USP15: variants seen among roughly 807,000 people sequenced by gnomAD.
The protein encoded by USP15 is ubiquitin carboxyl-terminal hydrolase 15.
Under a neutral mutation model 127.1 loss-of-function variants are expected in USP15, and 18 were observed. The ratio of observed to expected loss-of-function variants is 0.14; its 90% CI spans 0.10 to 0.21. The LOEUF (loss-of-function observed/expected upper bound fraction) is 0.21. Among genes scored for constraint, USP15 ranks in the 10% least tolerant of loss-of-function variants. The pLI is 1.00. For synonymous variants in USP15, 364 were observed against 393.7 expected (o/e 0.92, Z 0.89); for missense variants, 805 against 1,159.9 (o/e 0.69, Z 4.44).
rs551507629 is a variant in USP15 at position 62,412,197 on chromosome 12, G to A, written c.*7822G>A. The A allele has an allele frequency of 2.0e-5, 3 of 152,276 alleles. No individual in the cohort carries two copies. Among genetic ancestry groups the A allele is most frequent in the East Asian group, 1.9e-4 (1 of 5,182 alleles). 9.4% of individuals were successfully genotyped at this position (152,276 alleles called of 1,614,324 possible). ...CAATAACATTGTGCCTAAAAAAGATGTACATGCCTTAATTTTCAAACTATT... is the reference window on the plus strand; with the variant it reads ...CAATAACATTGTGCCTAAAAAAGATATACATGCCTTAATTTTCAAACTATT... On this transcript the variant is annotated 3_prime_UTR_variant, in exon 22 of 22. Coordinates refer to ENST00000280377, the MANE Select transcript of USP15 (RefSeq NM_001252078.2).
intron 11 of USP15, 35 bp downstream of exon 11, chr12:62,384,337 T>G (rs1178046580): frequency 4.8e-6 from 7 of 1,455,862 alleles, no homozygotes; most frequent in Non-Finnish European, 6.4e-6. Context: ...GTTTTTTTTT[T>G]TTTTTTTTTG....
chr12:62,270,136 G>C (rs1480150984), intron 1 of USP15, among the ~76,000 whole-genome samples: 3 of 151,892 alleles, frequency 2.0e-5, no homozygotes, highest in Non-Finnish European at 2.9e-5. Flanking sequence ...ATGATGTTGA[G>C]TATCTTTTCA....
intron 6 of USP15, 110 bp from the exon 7 acceptor site, chr12:62,349,111 A>G (rs534308942): frequency 4.1e-5 from 24 of 583,876 alleles, no homozygotes; most frequent in Middle Eastern, 5.0e-4. Flanking sequence ...TCATAAATCT[A>G]TTTTTCAGCA....
intron 14 of USP15, among the ~76,000 whole-genome samples, chr12:62,390,590 A>G (rs1286793238): frequency 6.6e-6 from 1 of 152,150 alleles, no homozygotes; most frequent in African/African-American, 2.4e-5. Context: ...GCAACAATAT[A>G]TACCATCTAA....
intron 1 of USP15, among the ~76,000 whole-genome samples, chr12:62,275,385 A>T (rs762316939): frequency 6.6e-6 from 1 of 151,142 alleles, no homozygotes; most frequent in Non-Finnish European, 1.5e-5. Context: ...AATTGGGAGG[A>T]GTATCACCCC....
intron 1 of USP15, among the ~76,000 whole-genome samples, chr12:62,263,851 A>G (rs1041798344): frequency 1.3e-5 from 2 of 152,206 alleles, no homozygotes; most frequent in African/African-American, 4.8e-5. Flanking sequence ...ATTAAAAACA[A>G]TTTTCAGATA....
At chr12:62,261,474 T>C (rs1383854094) in intron 1 of USP15, among the ~76,000 whole-genome samples, 1 of 152,228 alleles carries the variant, frequency 6.6e-6, no homozygotes, top group Admixed American at 6.5e-5. Flanking sequence ...AACAGTAGTA[T>C]ATAATTCATA....
At chr12:62,384,028 G>C in intron 10 of USP15, 30 bp downstream of exon 10, 1 of 1,610,202 alleles carries the variant, frequency 6.2e-7, no homozygotes, top group Non-Finnish European at 8.5e-7. Context: ...TGTCACCATT[G>C]TTATAATTTT....
At position 62,335,456 on chromosome 12, in the gene USP15, TA is replaced by T. The variant is rs1326271710; in HGVS notation, c.683+9524del. 7.5e-6 allele frequency: 10 copies of T among 1,331,148 alleles called. No homozygotes were observed. The African/African-American group carries it at 1.0e-4, about 14-fold the overall frequency. The allele number at this position is 1,331,148 out of a possible 1,614,324, so 82.5% of individuals were successfully genotyped here. A position where few individuals can be genotyped will look rare whatever the true frequency, so the allele number is the denominator to read the frequency against. On this transcript the variant is annotated intron_variant, in intron 6 of 21. Coordinates refer to ENST00000280377, the MANE Select transcript of USP15 (RefSeq NM_001252078.2). ...TCCATCCTTAGCTCTCTGATCACCT[TA>T]CTATTTAAGGACAGTCCCTCTACTC...
At chr12:62,348,464 G>T (rs2065881314) in intron 6 of USP15, among the ~76,000 whole-genome samples, 1 of 152,118 alleles carries the variant, frequency 6.6e-6, no homozygotes, top group Admixed American at 6.6e-5. Context: ...CTGGACTGAA[G>T]CCTAGCTTTT....
rs367956342 is a variant in USP15 at position 62,350,968 on chromosome 12, T to G, written c.770+1661T>G. On this transcript the variant is annotated intron_variant, in intron 7 of 21. Transcript: ENST00000280377. ...TTTCACATTCACTACTGATTAGAGA[T>G]ATGTAAATTAAAACCATGAAAAACC... is the stretch of plus-strand genomic sequence containing the variant. Among the ~76,000 whole-genome samples, 10 of 152,184 alleles carry G rather than the reference T, an allele frequency of 6.6e-5. No homozygotes were observed. The East Asian group carries it at 1.4e-3, about 21-fold the overall frequency.
intron 1 of USP15, among the ~76,000 whole-genome samples, chr12:62,291,587 A>G (rs2063969573): frequency 6.6e-6 from 1 of 152,158 alleles, no homozygotes; most frequent in Non-Finnish European, 1.5e-5. Flanking sequence ...CTGTTTTTTC[A>G]AACTTCCAGA....
chr12:62,312,190 A>G (rs147565147), intron 3 of USP15: 247 of 169,164 alleles, frequency 1.5e-3, no homozygotes, highest in Non-Finnish European at 2.5e-3. Flanking sequence ...GCTCTACAAA[A>G]GAGTAAGTCA....
At chr12:62,327,669 C>A (rs1486809413) in intron 6 of USP15, 6 of 434,930 alleles carry the variant, frequency 1.4e-5, no homozygotes, top group Non-Finnish European at 2.3e-5. Context: ...AGCACAATAT[C>A]ATTTTTATTT....
chr12:62,382,423 A>G (rs2067019409), intron 9 of USP15, among the ~76,000 whole-genome samples: 2 of 151,988 alleles, frequency 1.3e-5, no homozygotes, highest in Non-Finnish European at 1.5e-5. Flanking sequence ...CTACTGGACA[A>G]CATTTTTTAT....
chr12:62,397,514 A>G (rs879857520), intron 20 of USP15, among the ~76,000 whole-genome samples: 4 of 151,870 alleles, frequency 2.6e-5, no homozygotes, highest in South Asian at 4.1e-4. Flanking sequence ...TATAATGCTT[A>G]TATTACACTA....
chr12:62,340,674 A>G lies in USP15; in HGVS notation c.684-8547A>G, dbSNP rs1004764623. ...TTCAGGAGCAGGTTCTTCAATTTCC[A>G]TGTAGTTGTGCCATTTTGGGTGAGT... On this transcript the variant is annotated intron_variant, in intron 6 of 21. Transcript: ENST00000280377. Among the ~76,000 whole-genome samples the G allele has an allele frequency of 1.9e-4, 29 of 152,062 alleles. 1 individual carries two copies. The highest frequency in any genetic ancestry group is 1.5e-5 in the Non-Finnish European group (1 of 67,996).
chr12:62,401,110 A>G lies in USP15; in HGVS notation c.2675-77A>G, dbSNP rs192434914. ...CAGTGTTAATAGATATTCCTTATAT[A>G]GATGATTATAGAGTTTTGAGGAGTC... On this transcript the variant is annotated intron_variant, in intron 20 of 21. Transcript: ENST00000280377. 1.2e-5 allele frequency: 11 copies of G among 881,312 alleles called. No individual in the cohort carries two copies. The East Asian group carries it at 2.9e-4, about 23-fold the overall frequency. 54.6% of individuals were successfully genotyped at this position (881,312 alleles called of 1,614,324 possible).
At chr12:62,316,353 TGTAA>T (rs2064830427) in intron 4 of USP15, among the ~76,000 whole-genome samples, 1 of 151,844 alleles carries the variant, frequency 6.6e-6, no homozygotes, top group Non-Finnish European at 1.5e-5. Flanking sequence ...GAATTTCATA[TGTAA>T]GTTTTATTAT....
Sources: gnomAD v4.1 joint callset for allele counts (sites outside exome capture counted in the v4.1 genomes callset) on GRCh38, gnomAD v4.1.1 for gene constraint, MANE v1.5 for transcripts, NCBI Gene and HGNC (gene_info 2026-07-23, HGNC 2026-07-21) for gene names.